Variants in GRID2 observed in about 807,000 individuals in gnomAD.
GRID2 encodes glutamate ionotropic receptor delta type subunit 2.
Under a neutral mutation model 114.8 loss-of-function variants are expected in GRID2, and 33 were observed. The ratio of observed to expected loss-of-function variants is 0.29; its 90% CI spans 0.22 to 0.38. The LOEUF (loss-of-function observed/expected upper bound fraction) is 0.38. GRID2 is among the 10% of genes least tolerant of loss of function. GRID2 has a pLI of 1.00. For missense variants in GRID2, 1,184 were observed against 1,257.7 expected (o/e 0.94, Z 0.89); for synonymous variants, 505 against 449.9 (o/e 1.12, Z -1.55).
intron 2 of GRID2, among the ~76,000 whole-genome samples, chr4:92,815,639 G>A (rs979527168): frequency 7.2e-5 from 11 of 152,140 alleles, no homozygotes; most frequent in African/African-American, 2.6e-4. Flanking sequence ...GGGGCTGGGT[G>A]TAGTGGCTCA....
intron 8 of GRID2, among the ~76,000 whole-genome samples, chr4:93,305,593 A>G (rs922455001): frequency 6.6e-6 from 1 of 152,196 alleles, no homozygotes; most frequent in Non-Finnish European, 1.5e-5. Flanking sequence ...TAGAAATAGC[A>G]CAATTGTTTG....
At chr4:92,801,910 G>A (rs1740190977) in intron 2 of GRID2, among the ~76,000 whole-genome samples, 1 of 151,816 alleles carries the variant, frequency 6.6e-6, no homozygotes, top group South Asian at 2.1e-4. Flanking sequence ...GTAGTATGTA[G>A]CATAGCCAAG....
At chr4:93,034,861 G>A (rs894811760) in intron 2 of GRID2, among the ~76,000 whole-genome samples, 10 of 152,056 alleles carry the variant, frequency 6.6e-5, no homozygotes, top group South Asian at 2.1e-4. Flanking sequence ...GTTAACTTCC[G>A]TTCTTCCTCC....
intron 8 of GRID2, among the ~76,000 whole-genome samples, chr4:93,381,768 C>A (rs1019351186): frequency 2.0e-5 from 3 of 152,052 alleles, no homozygotes; most frequent in Admixed American, 6.6e-5. Flanking sequence ...TTAAATATAT[C>A]AGTTTCTTGA....
intron 14 of GRID2, among the ~76,000 whole-genome samples, chr4:93,764,566 G>A (rs970980121): frequency 6.6e-6 from 1 of 152,126 alleles, no homozygotes; most frequent in Non-Finnish European, 1.5e-5. Flanking sequence ...ATCGTCACGT[G>A]TGGTCTTATT....
chr4:93,551,440 A>C (rs970099558), intron 13 of GRID2, among the ~76,000 whole-genome samples: 1 of 152,254 alleles, frequency 6.6e-6, no homozygotes, highest in Middle Eastern at 3.4e-3. Flanking sequence ...CTAGCAGAAA[A>C]GGCCCTGAAG....
chr4:92,318,733 CA>C (rs1445241892), intron 1 of GRID2, among the ~76,000 whole-genome samples: 9 of 151,886 alleles, frequency 5.9e-5, no homozygotes, highest in African/African-American at 2.2e-4. Flanking sequence ...CTCAGCCTCC[CA>C]AAGTGCTGGG....
intron 11 of GRID2, 42 bp from the exon 12 acceptor site, chr4:93,490,597 T>A: frequency 2.6e-6 from 4 of 1,526,326 alleles, no homozygotes; most frequent in Non-Finnish European, 3.6e-6. Context: ...CCTCAATAAA[T>A]ACTAGTTGAT....
intron 8 of GRID2, among the ~76,000 whole-genome samples, chr4:93,314,746 CA>C (rs1298075100): frequency 5.3e-5 from 8 of 151,502 alleles, no homozygotes; most frequent in African/African-American, 1.9e-4. Context: ...TGATTTCACA[CA>C]CACACACACA....
chr4:92,824,096 C>G (rs919367506), intron 2 of GRID2, among the ~76,000 whole-genome samples: 1 of 151,996 alleles, frequency 6.6e-6, no homozygotes, highest in African/African-American at 2.4e-5. Flanking sequence ...AATGTCTGAG[C>G]TAGATAATGA....
At chr4:93,236,480 G>T (rs1331079606) in intron 7 of GRID2, among the ~76,000 whole-genome samples, 1 of 151,918 alleles carries the variant, frequency 6.6e-6, no homozygotes. Flanking sequence ...TAAAGCTTCA[G>T]GACATTTTCT....
intron 1 of GRID2, among the ~76,000 whole-genome samples, chr4:93,794,162 G>A (rs977040405): frequency 1.3e-5 from 2 of 152,050 alleles, no homozygotes; most frequent in African/African-American, 4.8e-5. Context: ...ATTCTATCAG[G>A]GTGTCCCTAA....
chr4:93,573,587 C>T (rs1220932530), intron 13 of GRID2, among the ~76,000 whole-genome samples: 1 of 152,140 alleles, frequency 6.6e-6, no homozygotes, highest in Non-Finnish European at 1.5e-5. Flanking sequence ...CCAGATCCTC[C>T]TTAGTAAAGC....
chr4:93,004,729 T>C (rs1578728810), intron 2 of GRID2, among the ~76,000 whole-genome samples: 1 of 152,124 alleles, frequency 6.6e-6, no homozygotes, highest in East Asian at 1.9e-4. Context: ...ACTCCTTCAC[T>C]TGTGTTTCTC....
intron 8 of GRID2, among the ~76,000 whole-genome samples, chr4:93,393,687 TG>T (rs1765065761): frequency 1.3e-5 from 2 of 151,976 alleles, no homozygotes; most frequent in Non-Finnish European, 2.9e-5. Flanking sequence ...TATTTATAAA[TG>T]TTTGTCCATA....
chr4:93,343,665 T>A (rs566292735), intron 8 of GRID2, among the ~76,000 whole-genome samples: 1 of 124,562 alleles, frequency 8.0e-6, no homozygotes, highest in African/African-American at 3.2e-5. Flanking sequence ...TTTGTTCTGA[T>A]TATTCATCAA....
rs893670299 is a variant in GRID2, at chr4:93,012,764, GAATTGCTTACCTAA to G, written c.245-72229_245-72216del. ...TTGCCTTTAAATAGTTGGGTTCTTTGAATTGCTTACCTAAAGTTATTCTTACTATGGAGAAATAA... is the reference window on the plus strand; with the variant it reads ...TTGCCTTTAAATAGTTGGGTTCTTTGAGTTATTCTTACTATGGAGAAATAA... On this transcript the variant is annotated intron_variant, in intron 2 of 15. Transcript: ENST00000282020. Among the ~76,000 whole-genome samples the G allele has an allele frequency of 1.4e-3, 212 of 152,018 alleles. 1 individual carries two copies. Among genetic ancestry groups the G allele is most frequent in the African/African-American group, 5.0e-3 (209 of 41,496 alleles).
intron 8 of GRID2, among the ~76,000 whole-genome samples, chr4:93,370,006 C>T (rs1167437981): frequency 6.6e-6 from 1 of 152,136 alleles, no homozygotes; most frequent in Non-Finnish European, 1.5e-5. Context: ...CCCAGTTTGG[C>T]ACTGAAGCCT....
At chr4:93,717,574 T>G (rs1419325840) in intron 14 of GRID2, among the ~76,000 whole-genome samples, 2 of 152,182 alleles carry the variant, frequency 1.3e-5, no homozygotes, top group Non-Finnish European at 2.9e-5. Flanking sequence ...AAAAAAGCCA[T>G]TTTCTACTTC....
Sources: allele counts gnomAD v4.1 joint callset (sites outside exome capture counted in the v4.1 genomes callset), GRCh38; gene constraint gnomAD v4.1.1; transcripts MANE v1.5; gene names NCBI Gene and HGNC (gene_info 2026-07-23, HGNC 2026-07-21).